Variants in GNAQ observed in about 807,000 individuals in gnomAD.
The protein encoded by GNAQ is G protein subunit alpha q, also known as guanine nucleotide-binding protein G(q) subunit alpha.
In GNAQ, 8 loss-of-function variants were observed where a neutral mutation model predicts 43.9. The observed-to-expected ratio is 0.18, with a 90% CI of 0.11 to 0.33. The LOEUF (loss-of-function observed/expected upper bound fraction) is 0.33. Ranked by LOEUF, GNAQ falls within the 10% of genes least tolerant of loss-of-function variation. GNAQ has a pLI of 1.00. For missense variants in GNAQ, 158 were observed against 450.8 expected (o/e 0.35, Z 5.88); for synonymous variants, 155 against 170.7 (o/e 0.91, Z 0.71).
chr9:77,998,184 C>T (rs1823599702), intron 1 of GNAQ, among the ~76,000 whole-genome samples: 1 of 152,240 alleles, frequency 6.6e-6, no homozygotes, highest in African/African-American at 2.4e-5. Flanking sequence ...AAGTCCGCCT[C>T]AGGCATTCCC....
At chr9:77,959,364 T>G (rs1823080022) in intron 1 of GNAQ, among the ~76,000 whole-genome samples, 1 of 152,204 alleles carries the variant, frequency 6.6e-6, no homozygotes, top group South Asian at 2.1e-4. Context: ...TAACTTTTAT[T>G]TTTATATGTT....
At position 77,976,355 on chromosome 9, in the gene GNAQ, CTTGGTTTTTGTTTT is replaced by C. The variant is rs1301476514; in HGVS notation, c.137-54024_137-54011del. Among the ~76,000 whole-genome samples, 5 of 151,980 alleles carry C rather than the reference CTTGGTTTTTGTTTT, an allele frequency of 3.3e-5. No individual in the cohort carries two copies. The East Asian group carries it at 9.7e-4, about 29-fold the overall frequency. Reference sequence around the variant, plus strand: ...AGCCAAAAACTATCCACTCAACAGGCTTGGTTTTTGTTTTTTGGTTTTTGGTTTTTTTTTGTTTT... The same window carrying C: ...AGCCAAAAACTATCCACTCAACAGGCTTGGTTTTTGGTTTTTTTTTGTTTT... On this transcript the variant is annotated intron_variant, in intron 1 of 6. Coordinates refer to ENST00000286548, the MANE Select transcript of GNAQ (RefSeq NM_002072.5).
At chr9:77,801,348 T>A (rs1214217726) in intron 3 of GNAQ, among the ~76,000 whole-genome samples, 1 of 152,172 alleles carries the variant, frequency 6.6e-6, no homozygotes, top group Non-Finnish European at 1.5e-5. Context: ...GCAAGAATAC[T>A]TTTTCCTCTT....
intron 5 of GNAQ, among the ~76,000 whole-genome samples, chr9:77,745,942 T>C (rs545149242): frequency 9.3e-4 from 141 of 152,004 alleles, no homozygotes; most frequent in Non-Finnish European, 1.7e-3. Context: ...AGAATACCTA[T>C]ACCAAAAGAG....
intron 2 of GNAQ, among the ~76,000 whole-genome samples, chr9:77,906,056 C>A (rs561022178): frequency 2.0e-5 from 3 of 152,124 alleles, no homozygotes; most frequent in South Asian, 2.1e-4. Flanking sequence ...ATGTAACAAA[C>A]CTGCACATTC....
chr9:77,732,134 G>A (rs1825499988), intron 5 of GNAQ, among the ~76,000 whole-genome samples: 1 of 152,138 alleles, frequency 6.6e-6, no homozygotes, highest in South Asian at 2.1e-4. Context: ...TGAGGGAACA[G>A]CACGTCCCAG....
chr9:77,784,011 A>G lies in GNAQ; in HGVS notation c.735+10452T>C, dbSNP rs536028476. ...TCAAAAATAGAGAAGTATGGAATTA[A>G]AAGAAGAAATACGTAAGTTTACAAT... On this transcript the variant is annotated intron_variant, in intron 5 of 6. Coordinates refer to ENST00000286548, the MANE Select transcript of GNAQ (RefSeq NM_002072.5). 3.2e-3 allele frequency among the ~76,000 whole-genome samples: 480 copies of G among 152,370 alleles called. 2 individuals are homozygous for G. The highest frequency in any genetic ancestry group is 0.01 in the South Asian group (50 of 4,832).
intron 2 of GNAQ, among the ~76,000 whole-genome samples, chr9:77,915,999 C>A (rs957651690): frequency 6.6e-6 from 1 of 152,178 alleles, no homozygotes; most frequent in Non-Finnish European, 1.5e-5. Flanking sequence ...AGCACAGAAT[C>A]CAGGCTGCTC....
intron 1 of GNAQ, among the ~76,000 whole-genome samples, chr9:77,996,861 G>A (rs1281422224): frequency 6.6e-6 from 1 of 152,016 alleles, no homozygotes; most frequent in Non-Finnish European, 1.5e-5. Context: ...TAACAAATAA[G>A]CAGTATCTGC....
chr9:77,842,373 G>A (rs1035078299), intron 2 of GNAQ, among the ~76,000 whole-genome samples: 1 of 152,126 alleles, frequency 6.6e-6, no homozygotes, highest in Admixed American at 6.5e-5. Context: ...TGAGCAGAAG[G>A]GCACAGAATT....
At position 77,794,611 on chromosome 9, in the gene GNAQ, T is replaced by G. The variant is rs755497004; in HGVS notation, c.606-19A>C. 6.5e-7 allele frequency: 1 copy of G among 1,531,342 alleles called. No homozygotes were observed. The highest frequency in any genetic ancestry group is 1.8e-5 in the Admixed American group (1 of 56,100). The allele number at this position is 1,531,342 out of a possible 1,614,324, so 94.9% of individuals were successfully genotyped here. A position where few individuals can be genotyped will look rare whatever the true frequency, so the allele number is the denominator to read the frequency against. ...GACCATTCTGCAAGGTTAACAATAC[T>G]CATATTAATAACATATAAAGTAAAA... On this transcript the variant is annotated intron_variant, in intron 4 of 6. Transcript: ENST00000286548.
chr9:77,783,997 G>C (rs1434894185), intron 5 of GNAQ, among the ~76,000 whole-genome samples: 4 of 152,096 alleles, frequency 2.6e-5, no homozygotes, highest in African/African-American at 9.7e-5. Flanking sequence ...CAAAAATAGA[G>C]AAGTATGGAA....
chr9:77,813,900 T>C (rs1826968880), intron 3 of GNAQ, among the ~76,000 whole-genome samples: 2 of 152,124 alleles, frequency 1.3e-5, no homozygotes, highest in African/African-American at 2.4e-5. Flanking sequence ...TGTAACTTTA[T>C]AATGGAGGAT....
chr9:77,746,525 G>C (rs1293872457), intron 5 of GNAQ, among the ~76,000 whole-genome samples: 1 of 152,006 alleles, frequency 6.6e-6, no homozygotes, highest in African/African-American at 2.4e-5. Context: ...CAGTGAATTA[G>C]AAAAGAATCA....
At chr9:77,977,651 A>C (rs1257308459) in intron 1 of GNAQ, among the ~76,000 whole-genome samples, 5 of 152,206 alleles carry the variant, frequency 3.3e-5, no homozygotes, top group East Asian at 1.9e-4. Context: ...CCAGAACAAG[A>C]AGCGGGGTTC....
chr9:77,743,518 G>A (rs1825685770), intron 5 of GNAQ, among the ~76,000 whole-genome samples: 1 of 152,166 alleles, frequency 6.6e-6, no homozygotes, highest in African/African-American at 2.4e-5. Context: ...CCAGATGAGG[G>A]AAATGAGCAC....
At chr9:77,888,674 T>C (rs1237631439) in intron 2 of GNAQ, among the ~76,000 whole-genome samples, 1 of 152,196 alleles carries the variant, frequency 6.6e-6, no homozygotes, top group Non-Finnish European at 1.5e-5. Flanking sequence ...CTGAGTCTGT[T>C]TATTCTTCAC....
At chr9:78,020,948 T>G (rs945683301) in intron 1 of GNAQ, among the ~76,000 whole-genome samples, 1 of 152,148 alleles carries the variant, frequency 6.6e-6, no homozygotes, top group African/African-American at 2.4e-5. Context: ...AATTAAGCTT[T>G]TCTTACATTT....
At chr9:77,769,078 C>T (rs754202229) in intron 5 of GNAQ, among the ~76,000 whole-genome samples, 1 of 152,150 alleles carries the variant, frequency 6.6e-6, no homozygotes, top group Non-Finnish European at 1.5e-5. Context: ...TGAAGTAGCA[C>T]CTCATGTTAG....
Sources: allele counts gnomAD v4.1 joint callset (sites outside exome capture counted in the v4.1 genomes callset), GRCh38; gene constraint gnomAD v4.1.1; transcripts MANE v1.5; gene names NCBI Gene and HGNC (gene_info 2026-07-23, HGNC 2026-07-21).